Variants in KCNMA1 observed in about 807,000 individuals in gnomAD.
KCNMA1 encodes the protein potassium calcium-activated channel subfamily M alpha 1, also known as Calcium-activated potassium channel subunit alpha-1.
KCNMA1 carries 29 observed loss-of-function variants against 140.0 expected under a neutral mutation model. The ratio of observed to expected loss-of-function variants is 0.21; its 90% CI spans 0.15 to 0.28. The LOEUF is 0.28. Among genes scored for constraint, KCNMA1 ranks in the 10% least tolerant of loss-of-function variants. KCNMA1 has a pLI of 1.00. For missense variants in KCNMA1, 880 were observed against 1,602.2 expected (o/e 0.55, Z 7.70); for synonymous variants, 612 against 611.9 (o/e 1.00, Z 0.00).
chr10:77,637,025 C>G, intron 1 of KCNMA1: 1 of 1,413,000 alleles, frequency 7.1e-7, no homozygotes. Flanking sequence ...AACAAGAGGA[C>G]AGGATTGAGC....
downstream of KCNMA1, among the ~76,000 whole-genome samples, chr10:76,880,088 G>A (rs971713675): frequency 3.3e-5 from 5 of 152,164 alleles, no homozygotes; most frequent in Non-Finnish European, 5.9e-5. Flanking sequence ...ATGGAAATGA[G>A]TAGGTCTTTT....
At chr10:77,265,846 C>T (rs779626875) in intron 2 of KCNMA1, among the ~76,000 whole-genome samples, 10 of 151,982 alleles carry the variant, frequency 6.6e-5, no homozygotes, top group Non-Finnish European at 1.0e-4. Context: ...TTTGGGAGGC[C>T]GAGATGGGCA....
chr10:76,962,442 C>A (rs1005449789), intron 20 of KCNMA1, among the ~76,000 whole-genome samples: 1 of 152,096 alleles, frequency 6.6e-6, no homozygotes, highest in South Asian at 2.1e-4. Flanking sequence ...AGATGAGAGG[C>A]TTGATTAAAA....
At chr10:77,336,280 C>G (rs1165286753) in intron 2 of KCNMA1, among the ~76,000 whole-genome samples, 1 of 152,076 alleles carries the variant, frequency 6.6e-6, no homozygotes, top group Admixed American at 6.5e-5. Context: ...CTAGCTTCCA[C>G]AGAGGATCCT....
At chr10:76,883,998 G>A (rs1321094040), downstream of KCNMA1, 2 of 983,066 alleles carry the variant, frequency 2.0e-6, no homozygotes, top group African/African-American at 3.5e-5. Flanking sequence ...TACCACTGGG[G>A]CATGACTGTG....
intron 5 of KCNMA1, among the ~76,000 whole-genome samples, chr10:77,149,336 T>C (rs1015208187): frequency 6.6e-6 from 1 of 152,252 alleles, no homozygotes; most frequent in African/African-American, 2.4e-5. Flanking sequence ...GGGCATAAAC[T>C]AATTTCTTCC....
chr10:77,528,069 A>C (rs1206291479), intron 1 of KCNMA1, among the ~76,000 whole-genome samples: 1 of 152,158 alleles, frequency 6.6e-6, no homozygotes, highest in Non-Finnish European at 1.5e-5. Context: ...GCATCTCCTC[A>C]TCTGAAAACC....
chr10:77,064,722 T>C (rs958982367), intron 14 of KCNMA1, among the ~76,000 whole-genome samples: 1 of 152,216 alleles, frequency 6.6e-6, no homozygotes, highest in Non-Finnish European at 1.5e-5. Flanking sequence ...TCTGATCTAA[T>C]GGGATCTAAG....
chr10:77,608,201 C>T (rs1352485220), intron 1 of KCNMA1, among the ~76,000 whole-genome samples: 1 of 152,100 alleles, frequency 6.6e-6, no homozygotes, highest in African/African-American at 2.4e-5. Context: ...GAGACAGGGT[C>T]TCACTCTGTT....
chr10:76,942,170 C>T (rs779825086), intron 23 of KCNMA1, among the ~76,000 whole-genome samples: 3 of 152,070 alleles, frequency 2.0e-5, no homozygotes, highest in African/African-American at 4.8e-5. Context: ...GATTGGGTTT[C>T]GCCATGTTGG....
chr10:77,388,104 A>G (rs1241604754), intron 2 of KCNMA1, among the ~76,000 whole-genome samples: 1 of 152,230 alleles, frequency 6.6e-6, no homozygotes, highest in Non-Finnish European at 1.5e-5. Flanking sequence ...CTAGAGCCAG[A>G]TAAGATTGCA....
chr10:77,249,715 T>C (rs2059328989), intron 3 of KCNMA1: 1 of 152,200 alleles, frequency 6.6e-6, no homozygotes, highest in South Asian at 2.1e-4. Context: ...CCAGGGGCTT[T>C]AGAGGATCTT....
At chr10:76,997,083 A>G (rs7079351) in intron 19 of KCNMA1, among the ~76,000 whole-genome samples, 8,822 of 152,202 alleles carry the variant, frequency 0.058, 296 homozygotes, top group Middle Eastern at 0.082. Flanking sequence ...CTTTAGTTCT[A>G]TTGACAATGT....
intron 1 of KCNMA1, among the ~76,000 whole-genome samples, chr10:77,515,236 T>G (rs114701074): frequency 6.6e-6 from 1 of 152,064 alleles, no homozygotes. Flanking sequence ...GAGCGTGCAA[T>G]GGCTCTGCCC....
intron 2 of KCNMA1, among the ~76,000 whole-genome samples, chr10:77,352,621 GGTGTGTGTGT>G (rs10555644): frequency 6.9e-6 from 1 of 145,110 alleles, no homozygotes; most frequent in South Asian, 2.2e-4. Context: ...TGCAGTACAG[GGTGTGTGTGT>G]GTGTGTGTGT....
intron 1 of KCNMA1, among the ~76,000 whole-genome samples, chr10:77,527,124 G>A (rs1405411414): frequency 1.3e-5 from 2 of 152,328 alleles, no homozygotes; most frequent in East Asian, 3.9e-4. Context: ...CACAGCTCGG[G>A]TTTCAAGCCC....
At chr10:77,124,603 G>C (rs913128611) in intron 5 of KCNMA1, among the ~76,000 whole-genome samples, 2 of 152,162 alleles carry the variant, frequency 1.3e-5, no homozygotes, top group Admixed American at 6.5e-5. Flanking sequence ...GGGTGATGCA[G>C]GAGCAAGACC....
At chr10:77,282,352 T>A in intron 2 of KCNMA1, among the ~76,000 whole-genome samples, 1 of 152,294 alleles carries the variant, frequency 6.6e-6, no homozygotes, top group East Asian at 1.9e-4. Flanking sequence ...ACGTGGACTT[T>A]GCAAATTCTG....
chr10:77,076,888 C>T (rs1411102220), intron 13 of KCNMA1, among the ~76,000 whole-genome samples: 1 of 152,086 alleles, frequency 6.6e-6, no homozygotes, highest in Non-Finnish European at 1.5e-5. Flanking sequence ...ATATTTCAAG[C>T]CCGTTGTCCA....
Sources: gnomAD v4.1 joint callset for allele counts (sites outside exome capture counted in the v4.1 genomes callset) on GRCh38, gnomAD v4.1.1 for gene constraint, MANE v1.5 for transcripts, NCBI Gene and HGNC (gene_info 2026-07-23, HGNC 2026-07-21) for gene names.